The following SLC12A5 variants were observed in gnomAD, a reference collection of about 807,000 sequenced individuals.
SLC12A5 encodes K-Cl cotransporter 2.
SLC12A5 carries 18 observed loss-of-function variants against 124.0 expected under a neutral mutation model. The observed-to-expected ratio is 0.15, with a 90% CI of 0.10 to 0.22. The LOEUF is 0.22. Among genes scored for constraint, SLC12A5 ranks in the 10% least tolerant of loss-of-function variants. SLC12A5 has a pLI of 1.00. For missense variants in SLC12A5, 867 were observed against 1,478.7 expected (o/e 0.59, Z 6.78); for synonymous variants, 589 against 568.0 (o/e 1.04, Z -0.53).
rs189835773 is a variant in SLC12A5, at chr20:46,046,604, G to A, written c.1787+168G>A. ...ACTCACATGAGGAAGGTCCCCGAGA[G>A]GGTCTCCTAACAATCATAAATAATA... On this transcript the variant is annotated intron_variant, in intron 14 of 25. Transcript: ENST00000243964. Among the ~76,000 whole-genome samples the A allele has an allele frequency of 4.7e-3, 717 of 152,270 alleles. 13 individuals carry two copies. In the South Asian group the frequency reaches 0.066, roughly 14 times the overall value.
chr20:46,050,253 C>T (rs920493891), intron 17 of SLC12A5, among the ~76,000 whole-genome samples: 4 of 152,162 alleles, frequency 2.6e-5, no homozygotes, highest in East Asian at 1.9e-4. Context: ...TGCTGAAAGT[C>T]GGAAAGCTGC....
intron 14 of SLC12A5, among the ~76,000 whole-genome samples, chr20:46,046,737 A>G (rs2084599289): frequency 6.6e-6 from 1 of 152,200 alleles, no homozygotes; most frequent in Non-Finnish European, 1.5e-5. Flanking sequence ...CAGAGTTCAA[A>G]TCATGACTCT....
intron 4 of SLC12A5, 189 bp from the exon 5 acceptor site, chr20:46,036,552 C>T (rs1434315895): frequency 3.8e-6 from 2 of 523,686 alleles, no homozygotes; most frequent in Non-Finnish European, 6.9e-6. Context: ...CTTCCGTTCG[C>T]ATGGTGAATA....
At chr20:46,054,078 G>T (rs1340051404) in intron 20 of SLC12A5, among the ~76,000 whole-genome samples, 1 of 152,184 alleles carries the variant, frequency 6.6e-6, no homozygotes, top group East Asian at 1.9e-4. Context: ...GTGTTGTGAG[G>T]TGATTTTGTT....
Position 46,034,948 on chromosome 20 carries a change from G to A in SLC12A5, c.53G>A (p.Gly18Asp). 1 of 1,613,960 alleles carries A rather than the reference G, an allele frequency of 6.2e-7. No individual in the cohort carries two copies. Among genetic ancestry groups the A allele is most frequent in the South Asian group, 1.1e-5 (1 of 91,074 alleles). The change falls in exon 2 of 26, where the codon GGT becomes GAT. Residue 18 changes from glycine (G) to aspartate (D), a missense_variant and splice_region_variant. Physicochemically the swap from Gly to Asp is moderately conservative, Grantham distance 94. Transcript: ENST00000243964. ...CEDGDGGANP[G>D]DGNPKESSPF... Reference sequence around the variant, plus strand: ...ATCCCTGACCCCTCTCCCTTCTCAGGTGATGGCAACCCCAAGGAAAGCAGT... The same window carrying A: ...ATCCCTGACCCCTCTCCCTTCTCAGATGATGGCAACCCCAAGGAAAGCAGT...
rs754664794 is a variant in SLC12A5 at position 46,059,310 on chromosome 20, CCAGA to C, written c.*1709_*1712del. The C allele has an allele frequency of 2.8e-6, 1 of 355,386 alleles. No individual in the cohort carries two copies. The highest frequency in any genetic ancestry group is 5.0e-6 in the Non-Finnish European group (1 of 199,358). 22.0% of individuals were successfully genotyped at this position (355,386 alleles called of 1,614,324 possible). A position where few individuals can be genotyped will look rare whatever the true frequency, so the allele number is the denominator to read the frequency against. The stretch of plus-strand genomic sequence containing the variant: ...AAGGCAGAGCTGGAGCTGGCGCCAC[CCAGA>C]CAGCGTCAGGTGTGGCTGGGGTAGG... On this transcript the variant is annotated 3_prime_UTR_variant, in exon 26 of 26. Coordinates refer to ENST00000243964, the MANE Select transcript of SLC12A5 (RefSeq NM_020708.5).
rs2084725338 is a variant in SLC12A5, at chr20:46,059,014, C to A, written c.*1409C>A. The A allele has an allele frequency of 3.0e-6, 1 of 328,652 alleles. No individual in the cohort carries two copies. Among genetic ancestry groups the A allele is most frequent in the South Asian group, 1.6e-4 (1 of 6,402 alleles). The allele number at this position is 328,652 out of a possible 1,614,324, so 20.4% of individuals were successfully genotyped here. On this transcript the variant is annotated 3_prime_UTR_variant, in exon 26 of 26. Transcript: ENST00000243964. The stretch of plus-strand genomic sequence containing the variant: ...AACTAGGACCCAGGGCCTTTGGCTT[C>A]CCCAGCTCATCCTTGGCCCTTCCGC...
chr20:46,035,206 T>C, intron 2 of SLC12A5, 164 bp downstream of exon 2: 1 of 992,640 alleles, frequency 1.0e-6, no homozygotes, highest in Non-Finnish European at 1.6e-6. Flanking sequence ...TCCTGGGATT[T>C]ACTCCCTCTG....
At position 46,058,214 on chromosome 20, in the gene SLC12A5, C is replaced by T. The variant is rs1477025442; in HGVS notation, c.*609C>T. ...TTCTCGCCATAGTCGAGCTCTCCCG[C>T]TGGGGGCACTGCGGGGAGGCGAGGC... is the stretch of plus-strand genomic sequence containing the variant. On this transcript the variant is annotated 3_prime_UTR_variant, in exon 26 of 26. Transcript: ENST00000243964. The surrounding 1 kb of genome is among the most constrained non-coding windows in gnomAD (Gnocchi z 5.8). 1 of 366,614 alleles carries T rather than the reference C, an allele frequency of 2.7e-6. No homozygotes were observed. Among genetic ancestry groups the T allele is most frequent in the Non-Finnish European group, 4.9e-6 (1 of 206,144 alleles). The allele number at this position is 366,614 out of a possible 1,614,324, so 22.7% of individuals were successfully genotyped here.
At chr20:46,046,255 C>T in intron 13 of SLC12A5, 83 bp from the exon 14 acceptor site, 1 of 1,286,128 alleles carries the variant, frequency 7.8e-7, no homozygotes, top group Non-Finnish European at 1.1e-6. Context: ...TGTCCCCTTT[C>T]CCCCTTTCTC....
intron 1 of SLC12A5, 83 bp downstream of exon 1, chr20:46,029,479 C>T (rs2084426259): frequency 4.2e-6 from 6 of 1,424,606 alleles, no homozygotes; most frequent in Admixed American, 2.2e-5. Context: ...GCGGGGGCCA[C>T]CTCCTTCAGA....
At position 46,031,961 on chromosome 20, in the gene SLC12A5, G is replaced by T. The variant is rs1011060889; in HGVS notation, c.52+2565G>T. Among the ~76,000 whole-genome samples, 3 of 152,370 alleles carry T rather than the reference G, an allele frequency of 2.0e-5. No homozygotes were observed. In the South Asian group the frequency reaches 6.2e-4, roughly 32 times the overall value. The stretch of plus-strand genomic sequence containing the variant: ...ATTCCCCATCCCCCTCAACCAGTGC[G>T]CCTGGCGTTCAGGGAGGGGACGAAA... On this transcript the variant is annotated intron_variant, in intron 1 of 25. Coordinates refer to ENST00000243964, the MANE Select transcript of SLC12A5 (RefSeq NM_020708.5).
intron 5 of SLC12A5, 114 bp from the exon 6 acceptor site, chr20:46,037,141 T>G: frequency 7.0e-7 from 1 of 1,436,894 alleles, no homozygotes; most frequent in Non-Finnish European, 9.4e-7. Flanking sequence ...CTGCAGCCCA[T>G]AAGCCTGTGA....
intron 2 of SLC12A5, 63 bp downstream of exon 2, chr20:46,035,105 T>TCTCC: frequency 6.6e-7 from 1 of 1,525,460 alleles, no homozygotes; most frequent in Non-Finnish European, 9.1e-7. Context: ...TCAGCTGCTC[T>TCTCC]CTCCCTCCCT....
chr20:46,055,675 CAT>C (rs2084683422), intron 21 of SLC12A5, among the ~76,000 whole-genome samples: 1 of 152,090 alleles, frequency 6.6e-6, no homozygotes, highest in Admixed American at 6.5e-5. Flanking sequence ...CAATCCTACA[CAT>C]GAGGGTAATA....
intron 1 of SLC12A5, among the ~76,000 whole-genome samples, chr20:46,030,938 C>G (rs1015945851): frequency 6.6e-6 from 1 of 152,122 alleles, no homozygotes; most frequent in Non-Finnish European, 1.5e-5. Flanking sequence ...AGCATCCGCC[C>G]CCTCCCCCGC....
Position 46,058,567 on chromosome 20 carries a change from A to G in SLC12A5, c.*962A>G, listed in dbSNP as rs1417479531. ...TGCTCCTCAAGAGGAAGAAACCGAGAGGCCCGCGCCCCACCGAGGAAGCCC... is the reference window on the plus strand; with the variant it reads ...TGCTCCTCAAGAGGAAGAAACCGAGGGGCCCGCGCCCCACCGAGGAAGCCC... On this transcript the variant is annotated 3_prime_UTR_variant, in exon 26 of 26. Coordinates refer to ENST00000243964, the MANE Select transcript of SLC12A5 (RefSeq NM_020708.5). This position sits in a 1 kb window ranked among gnomAD's most constrained non-coding sequence, Gnocchi z 5.8. 4 of 398,758 alleles carry G rather than the reference A, an allele frequency of 1.0e-5. No homozygotes were observed. Among genetic ancestry groups the G allele is most frequent in the Non-Finnish European group, 1.8e-5 (4 of 226,104 alleles). 24.7% of individuals were successfully genotyped at this position (398,758 alleles called of 1,614,324 possible).
rs1353023314 is a variant in SLC12A5, at chr20:46,059,885, A to G, written c.*2280A>G. Reference sequence around the variant, plus strand: ...GAAGTTGAAAACCCTTGTAAATAGGAGAGGTTGCAAACCAAATCAAGAGTA... The same window carrying G: ...GAAGTTGAAAACCCTTGTAAATAGGGGAGGTTGCAAACCAAATCAAGAGTA... On this transcript the variant is annotated 3_prime_UTR_variant, in exon 26 of 26. Coordinates refer to ENST00000243964, the MANE Select transcript of SLC12A5 (RefSeq NM_020708.5). 1.1e-5 allele frequency: 4 copies of G among 372,484 alleles called. No individual in the cohort carries two copies. The highest frequency in any genetic ancestry group is 1.9e-5 in the Non-Finnish European group (4 of 209,870). 23.1% of individuals were successfully genotyped at this position (372,484 alleles called of 1,614,324 possible).
chr20:46,048,665 G>A (rs2084621024), intron 16 of SLC12A5, among the ~76,000 whole-genome samples: 1 of 152,140 alleles, frequency 6.6e-6, no homozygotes, highest in Non-Finnish European at 1.5e-5. Flanking sequence ...GAGGCCAGGG[G>A]TTTGAGACAA....
Sources: gnomAD v4.1 joint callset for allele counts (sites outside exome capture counted in the v4.1 genomes callset) on GRCh38, gnomAD v4.1.1 for gene constraint, Gnocchi (gnomAD v3.1) non-coding constraint, MANE v1.5 for transcripts, NCBI Gene and HGNC (gene_info 2026-07-23, HGNC 2026-07-21) for gene names.